Variants in FKTN observed in about 807,000 individuals in gnomAD.
FKTN encodes the protein fukutin.
FKTN carries 47 observed loss-of-function variants against 58.6 expected under a neutral mutation model. The observed-to-expected ratio is 0.80, with a 90% confidence interval of 0.63 to 1.02. The LOEUF is 1.02. Among genes scored for constraint, FKTN ranks in the 50% least tolerant of loss-of-function variants. FKTN has a pLI of 0.00. For synonymous variants in FKTN, 178 were observed against 191.9 expected (o/e 0.93, Z 0.60); for missense variants, 516 against 537.3 (o/e 0.96, Z 0.39).
At chr9:105,595,889 A>G (rs1365560142) in intron 3 of FKTN, among the ~76,000 whole-genome samples, 2 of 152,194 alleles carry the variant, frequency 1.3e-5, no homozygotes, top group Non-Finnish European at 2.9e-5. Flanking sequence ...TTGGATCTTC[A>G]TTACGCTTGA....
intron 3 of FKTN, among the ~76,000 whole-genome samples, chr9:105,587,722 C>A (rs1428921441): frequency 6.6e-6 from 1 of 152,076 alleles, no homozygotes; most frequent in Non-Finnish European, 1.5e-5. Context: ...TATAGTCTTT[C>A]CATTTTTTCA....
chr9:105,635,992 AT>A lies in FKTN; in HGVS notation c.*732del. 1 of 985,690 alleles carries A rather than the reference AT, an allele frequency of 1.0e-6. No individual in the cohort carries two copies. Among genetic ancestry groups the A allele is most frequent in the Non-Finnish European group, 1.2e-6 (1 of 830,110 alleles). 61.1% of individuals were successfully genotyped at this position (985,690 alleles called of 1,614,324 possible). ...TTAAATTTCCATCCATTGTGAGAAT[AT>A]TTTCACTGACCTCTGATGGCACTTG... On this transcript the variant is annotated 3_prime_UTR_variant, in exon 11 of 11. Transcript: ENST00000357998.
chr9:105,598,182 C>T (rs1179243541), intron 4 of FKTN: 1 of 464,784 alleles, frequency 2.2e-6, no homozygotes, highest in East Asian at 7.0e-5. Flanking sequence ...TTACCACATT[C>T]AGTGAGTTCT....
At chr9:105,629,459 T>C (rs966281528) in intron 10 of FKTN, among the ~76,000 whole-genome samples, 1 of 152,182 alleles carries the variant, frequency 6.6e-6, no homozygotes, top group African/African-American at 2.4e-5. Context: ...ATAATTTAAT[T>C]CTTTTAAAAA....
intron 7 of FKTN, among the ~76,000 whole-genome samples, chr9:105,614,063 G>A (rs996013112): frequency 6.6e-6 from 1 of 152,176 alleles, no homozygotes; most frequent in African/African-American, 2.4e-5. Flanking sequence ...AAGATGAAGT[G>A]TGAGGAGATG....
intron 1 of FKTN, among the ~76,000 whole-genome samples, chr9:105,558,428 G>C (rs1837604899): frequency 6.6e-6 from 1 of 152,040 alleles, no homozygotes; most frequent in African/African-American, 2.4e-5. Context: ...TCTTAATCCT[G>C]GGACAGATGA....
At chr9:105,581,723 T>G (rs969741204) in intron 3 of FKTN, among the ~76,000 whole-genome samples, 34 of 152,216 alleles carry the variant, frequency 2.2e-4, no homozygotes, top group African/African-American at 7.5e-4. Context: ...CTGCTTTGTT[T>G]ACCTAAGCAA....
At chr9:105,630,697 A>C (rs980039562) in intron 10 of FKTN, among the ~76,000 whole-genome samples, 7 of 152,242 alleles carry the variant, frequency 4.6e-5, no homozygotes, top group African/African-American at 1.7e-4. Flanking sequence ...TAGTGTGTAC[A>C]TATTAATGTA....
Position 105,636,439 on chromosome 9 carries a change from C to T in FKTN, c.*1175C>T, listed in dbSNP as rs996474083. 12 of 990,006 alleles carry T rather than the reference C, an allele frequency of 1.2e-5. No homozygotes were observed. The highest frequency in any genetic ancestry group is 5.1e-4 in the Middle Eastern group (1 of 1,948). The allele number at this position is 990,006 out of a possible 1,614,324, so 61.3% of individuals were successfully genotyped here. ...TCATAGAGTTTGTAAAGTTTGTGTC[C>T]CTCCCCAGTTTTTCAGTCTGTTGAA... is the stretch of plus-strand genomic sequence containing the variant. On this transcript the variant is annotated 3_prime_UTR_variant, in exon 11 of 11. Transcript: ENST00000357998.
rs1008931209 is a variant in FKTN, at chr9:105,633,667, C to T, written c.1173-1384C>T. Among the ~76,000 whole-genome samples the T allele has an allele frequency of 3.9e-5, 6 of 152,192 alleles. 1 individual carries two copies. The highest frequency in any genetic ancestry group is 8.8e-5 in the Non-Finnish European group (6 of 68,022). ...TCCGTGGCCACCTTTTCACAGTAGC[C>T]AGCTGGGATTGTCCATTAACTGGGT... On this transcript the variant is annotated intron_variant, in intron 10 of 10. Coordinates refer to ENST00000357998, the MANE Select transcript of FKTN (RefSeq NM_001079802.2).
chr9:105,604,560 T>G, intron 6 of FKTN, 68 bp downstream of exon 6: 1 of 1,229,932 alleles, frequency 8.1e-7, no homozygotes, highest in African/African-American at 1.5e-5. Flanking sequence ...GCAGTGTTTT[T>G]ACATTTGAGT....
intron 1 of FKTN, among the ~76,000 whole-genome samples, chr9:105,559,389 G>T (rs1252885736): frequency 6.6e-6 from 1 of 152,186 alleles, no homozygotes; most frequent in African/African-American, 2.4e-5. Context: ...GAATAAAATT[G>T]TTAATTTTGG....
intron 10 of FKTN, among the ~76,000 whole-genome samples, chr9:105,631,550 T>C (rs2133395212): frequency 6.6e-6 from 1 of 151,826 alleles, no homozygotes; most frequent in Admixed American, 6.6e-5. Flanking sequence ...CAATCTACAA[T>C]GAACTCAAAC....
chr9:105,595,772 C>T (rs1219390705), intron 3 of FKTN, among the ~76,000 whole-genome samples: 1 of 152,162 alleles, frequency 6.6e-6, no homozygotes, highest in African/African-American at 2.4e-5. Context: ...GGTTTAGGAA[C>T]TTGGAGCACA....
intron 3 of FKTN, among the ~76,000 whole-genome samples, chr9:105,575,906 A>G (rs567701218): frequency 3.3e-5 from 5 of 152,292 alleles, no homozygotes; most frequent in Non-Finnish European, 5.9e-5. Flanking sequence ...GTTAACAGAC[A>G]TGTGCAGAAG....
intron 1 of FKTN, among the ~76,000 whole-genome samples, chr9:105,569,268 C>T (rs962064866): frequency 1.3e-5 from 2 of 151,958 alleles, no homozygotes; most frequent in African/African-American, 4.8e-5. Flanking sequence ...TGCACATGTA[C>T]CCTAGAGCTT....
At chr9:105,603,964 A>G (rs1025463764) in intron 5 of FKTN, 2 of 496,644 alleles carry the variant, frequency 4.0e-6, no homozygotes, top group Admixed American at 3.2e-5. Context: ...TATGGTGCCC[A>G]ACCTATAAAG....
At chr9:105,591,651 A>G (rs1439098792) in intron 3 of FKTN, among the ~76,000 whole-genome samples, 2 of 152,052 alleles carry the variant, frequency 1.3e-5, no homozygotes, top group Admixed American at 6.6e-5. Flanking sequence ...CATGCAGGTT[A>G]CTGGTGGATC....
chr9:105,576,427 T>C (rs1408307459), intron 3 of FKTN, among the ~76,000 whole-genome samples: 1 of 151,824 alleles, frequency 6.6e-6, no homozygotes, highest in African/African-American at 2.4e-5. Context: ...GTTTGGTTTT[T>C]TGTTCTTACG....
Sources: allele counts gnomAD v4.1 joint callset (sites outside exome capture counted in the v4.1 genomes callset), GRCh38; gene constraint gnomAD v4.1.1; transcripts MANE v1.5; gene names NCBI Gene and HGNC (gene_info 2026-07-23, HGNC 2026-07-21).